Variants in DPYD observed in about 807,000 individuals in gnomAD.
DPYD encodes dihydropyrimidine dehydrogenase, also known as dihydropyrimidine dehydrogenase [NADP(+)].
A neutral mutation model predicts 116.2 loss-of-function variants in DPYD; 109 were observed. That is an observed-to-expected ratio of 0.94 (90% CI 0.80 to 1.10). The LOEUF is 1.10. Ranked by LOEUF, DPYD falls within the 50% of genes least tolerant of loss-of-function variation. DPYD has a pLI of 0.00. For synonymous variants in DPYD, 440 were observed against 432.0 expected (o/e 1.02, Z -0.23); for missense variants, 1,302 against 1,254.5 (o/e 1.04, Z -0.57).
intron 11 of DPYD, among the ~76,000 whole-genome samples, chr1:97,558,190 A>G (rs535998093): frequency 6.6e-6 from 1 of 152,136 alleles, no homozygotes; most frequent in South Asian, 2.1e-4. Context: ...TGAATTAACC[A>G]CTAACGACTT....
chr1:97,125,774 G>A (rs1159577220), intron 20 of DPYD, among the ~76,000 whole-genome samples: 3 of 152,022 alleles, frequency 2.0e-5, no homozygotes, highest in East Asian at 1.9e-4. Flanking sequence ...AAAGATGGCT[G>A]TTTAGGAACC....
At chr1:97,437,748 T>A (rs750581236) in intron 14 of DPYD, among the ~76,000 whole-genome samples, 1 of 152,000 alleles carries the variant, frequency 6.6e-6, no homozygotes. Context: ...TTGTATCAAA[T>A]CACATATATC....
At chr1:97,514,807 G>A (rs992301204) in intron 13 of DPYD, among the ~76,000 whole-genome samples, 1 of 151,498 alleles carries the variant, frequency 6.6e-6, no homozygotes, top group Non-Finnish European at 1.5e-5. Flanking sequence ...CAGCCTTAAT[G>A]TTTTAGCCAT....
At chr1:97,480,511 T>A (rs185722384) in intron 13 of DPYD, among the ~76,000 whole-genome samples, 1 of 152,218 alleles carries the variant, frequency 6.6e-6, no homozygotes, top group Non-Finnish European at 1.5e-5. Flanking sequence ...TTCGGAAGCA[T>A]GAATTTACAA....
At chr1:97,661,228 T>C (rs1659238214) in intron 8 of DPYD, among the ~76,000 whole-genome samples, 1 of 152,196 alleles carries the variant, frequency 6.6e-6, no homozygotes, top group South Asian at 2.1e-4. Flanking sequence ...GAACTCATTA[T>C]TACAAATTCA....
At chr1:97,378,558 A>G (rs1314477220) in intron 15 of DPYD, among the ~76,000 whole-genome samples, 1 of 152,168 alleles carries the variant, frequency 6.6e-6, no homozygotes, top group African/African-American at 2.4e-5. Context: ...CTCATCAGGT[A>G]CCTGACTTAA....
At chr1:97,356,918 T>C (rs1670454653) in intron 16 of DPYD, among the ~76,000 whole-genome samples, 1 of 152,196 alleles carries the variant, frequency 6.6e-6, no homozygotes, top group Admixed American at 6.5e-5. Context: ...TTAACTAACA[T>C]CACTTGGTGG....
intron 2 of DPYD, among the ~76,000 whole-genome samples, chr1:97,843,158 C>T (rs1210501310): frequency 6.6e-6 from 1 of 152,114 alleles, no homozygotes; most frequent in Non-Finnish European, 1.5e-5. Flanking sequence ...TCTCAGAAAA[C>T]CTACTCAGGG....
chr1:97,734,151 A>C (rs376611027), intron 4 of DPYD, among the ~76,000 whole-genome samples: 1 of 151,782 alleles, frequency 6.6e-6, no homozygotes, highest in South Asian at 2.1e-4. Flanking sequence ...CATATTTTAT[A>C]GCTGCTTGTA....
At chr1:97,849,292 CTT>C (rs1670459628) in intron 2 of DPYD, among the ~76,000 whole-genome samples, 1 of 151,880 alleles carries the variant, frequency 6.6e-6, no homozygotes, top group Non-Finnish European at 1.5e-5. Context: ...ATGTTATTGA[CTT>C]ATTTCTAGGT....
At chr1:97,836,513 A>G (rs572298765) in intron 2 of DPYD, among the ~76,000 whole-genome samples, 2 of 152,288 alleles carry the variant, frequency 1.3e-5, no homozygotes, top group African/African-American at 2.4e-5. Context: ...GACACCAGGT[A>G]AACTCACAGA....
intron 18 of DPYD, among the ~76,000 whole-genome samples, chr1:97,255,318 G>A (rs652247): frequency 0.39 from 59,763 of 151,704 alleles, 11,914 homozygotes; most frequent in Middle Eastern, 0.46. Context: ...AATCTTCACA[G>A]TGTTTAGGAG....
intron 8 of DPYD, among the ~76,000 whole-genome samples, chr1:97,608,553 C>T (rs1655745055): frequency 6.6e-6 from 1 of 151,972 alleles, no homozygotes; most frequent in South Asian, 2.1e-4. Flanking sequence ...TACCTACTAG[C>T]TTTGTGATGT....
chr1:97,315,421 T>C (rs1377302800), intron 16 of DPYD, among the ~76,000 whole-genome samples: 7 of 151,954 alleles, frequency 4.6e-5, no homozygotes, highest in Admixed American at 4.6e-4. Context: ...AGACTTTTCT[T>C]GTGTCTGTAT....
chr1:97,282,463 TGACTCTAATA>T (rs1388721270), intron 18 of DPYD, among the ~76,000 whole-genome samples: 2 of 152,108 alleles, frequency 1.3e-5, no homozygotes, highest in African/African-American at 4.8e-5. Flanking sequence ...TATTATTTTA[TGACTCTAATA>T]GACAAAAGCA....
At chr1:97,677,980 A>G (rs1660234671) in intron 8 of DPYD, among the ~76,000 whole-genome samples, 1 of 152,188 alleles carries the variant, frequency 6.6e-6, no homozygotes, top group Non-Finnish European at 1.5e-5. Context: ...CAGACAAAGT[A>G]AAATACAGGA....
At chr1:97,678,363 C>T (rs758019720) in intron 8 of DPYD, among the ~76,000 whole-genome samples, 1 of 152,116 alleles carries the variant, frequency 6.6e-6, no homozygotes, top group Non-Finnish European at 1.5e-5. Flanking sequence ...AGTACTAGTT[C>T]GTGGCCCCGA....
chr1:97,105,813 G>A lies in DPYD; in HGVS notation c.2623-7181C>T, dbSNP rs1169216104. Among the ~76,000 whole-genome samples the A allele has an allele frequency of 2.0e-5, 3 of 152,092 alleles. No homozygotes were observed. The East Asian group carries it at 5.8e-4, about 29-fold the overall frequency. ...CTCAGAGGTTAATACAATCTTTACA[G>A]TGAAGGAGGAATTTAAACTATGCTG... On this transcript the variant is annotated intron_variant, in intron 20 of 22. Coordinates refer to ENST00000370192, the MANE Select transcript of DPYD (RefSeq NM_000110.4).
intron 8 of DPYD, among the ~76,000 whole-genome samples, chr1:97,600,674 A>C (rs1238716055): frequency 6.6e-6 from 1 of 152,100 alleles, no homozygotes; most frequent in Non-Finnish European, 1.5e-5. Context: ...TTAACACGAA[A>C]AACAGGTATA....
Sources: gnomAD v4.1 joint callset for allele counts (sites outside exome capture counted in the v4.1 genomes callset) on GRCh38, gnomAD v4.1.1 for gene constraint, MANE v1.5 for transcripts, NCBI Gene and HGNC (gene_info 2026-07-23, HGNC 2026-07-21) for gene names.